Variants in LGR4 observed in about 807,000 individuals in gnomAD.
LGR4 encodes leucine-rich repeat-containing G protein-coupled receptor 4.
A neutral mutation model predicts 84.8 loss-of-function variants in LGR4; 44 were observed. That is an observed-to-expected ratio of 0.52 (90% CI 0.41 to 0.67). The LOEUF (loss-of-function observed/expected upper bound fraction) is 0.67. Ranked by LOEUF, LGR4 falls within the 30% of genes least tolerant of loss-of-function variation. LGR4 has a pLI of 0.00. For missense variants in LGR4, 1,032 were observed against 1,131.4 expected, an observed-to-expected ratio of 0.91 and a Z score of 1.26; for synonymous variants, 429 against 434.3, an observed-to-expected ratio of 0.99 and a Z score of 0.15.
At position 27,369,003 on chromosome 11, in the gene LGR4, T is replaced by C. The variant is rs768642910; in HGVS notation, c.1720A>G (p.Lys574Glu). ...ACAGAAATCAAGCCTATAAACAATT[T>C]GGACGAAGGCAGTGATGTACAAGAT... ...FASCTSLPSS[K>E]LFIGLISVSN... The change falls in exon 18 of 18, where the codon AAA (lysine) becomes GAA (glutamate). Residue 574 changes from lysine to glutamate, a missense_variant. Lys to Glu is a moderately conservative substitution (Grantham distance 56, BLOSUM62 1). Coordinates refer to ENST00000379214, the MANE Select transcript of LGR4 (RefSeq NM_018490.5). 6.2e-6 allele frequency: 10 copies of C among 1,614,144 alleles called. No homozygotes were observed. The South Asian group carries it at 1.1e-4, about 18-fold the overall frequency.
At chr11:27,390,267 A>C (rs549233982) in intron 4 of LGR4, among the ~76,000 whole-genome samples, 45 of 152,294 alleles carry the variant, frequency 3.0e-4, no homozygotes, top group African/African-American at 1.0e-3. Context: ...AGTTATTTCA[A>C]AGTATAATAC....
At chr11:27,459,578 G>A (rs1467798424) in intron 1 of LGR4, among the ~76,000 whole-genome samples, 1 of 151,830 alleles carries the variant, frequency 6.6e-6, no homozygotes, top group Admixed American at 6.6e-5. Flanking sequence ...CTGGGTTCAA[G>A]TGATTCTCCT....
chr11:27,454,262 T>C (rs1590406703), intron 1 of LGR4, among the ~76,000 whole-genome samples: 1 of 152,332 alleles, frequency 6.6e-6, no homozygotes, highest in African/African-American at 2.4e-5. Flanking sequence ...TTGATTGATA[T>C]ATTATGTCTC....
chr11:27,407,936 T>A (rs1454037447), intron 2 of LGR4, among the ~76,000 whole-genome samples: 1 of 152,068 alleles, frequency 6.6e-6, no homozygotes, highest in South Asian at 2.1e-4. Context: ...AAAGTTAACA[T>A]TTGGGAAATT....
intron 1 of LGR4, among the ~76,000 whole-genome samples, chr11:27,451,337 T>C (rs1165543019): frequency 6.6e-6 from 1 of 152,126 alleles, no homozygotes; most frequent in Non-Finnish European, 1.5e-5. Context: ...AAGGTATAAA[T>C]TATGGTCCAA....
intron 1 of LGR4, among the ~76,000 whole-genome samples, chr11:27,417,928 T>C (rs1863850709): frequency 6.6e-6 from 1 of 152,174 alleles, no homozygotes; most frequent in Non-Finnish European, 1.5e-5. Context: ...TAGCAGCCCA[T>C]ACATCATGGG....
chr11:27,466,966 A>G (rs1275786802), intron 1 of LGR4, among the ~76,000 whole-genome samples: 5 of 151,818 alleles, frequency 3.3e-5, no homozygotes, highest in African/African-American at 1.2e-4. Flanking sequence ...TTTTATTTTA[A>G]GTAGAGACGG....
chr11:27,430,571 G>A (rs902535755), intron 1 of LGR4, among the ~76,000 whole-genome samples: 2 of 152,066 alleles, frequency 1.3e-5, no homozygotes, highest in East Asian at 1.9e-4. Flanking sequence ...ATCCCCAGGC[G>A]GTGATAAGCC....
chr11:27,389,672 T>C (rs916966922), intron 4 of LGR4, among the ~76,000 whole-genome samples: 3 of 152,152 alleles, frequency 2.0e-5, no homozygotes, highest in African/African-American at 7.2e-5. Context: ...AATATGAAGG[T>C]CTTGAAGTAA....
At chr11:27,469,564 C>G (rs1258331778) in intron 1 of LGR4, among the ~76,000 whole-genome samples, 5 of 152,180 alleles carry the variant, frequency 3.3e-5, no homozygotes, top group African/African-American at 1.2e-4. Context: ...ATGCACCCCC[C>G]ACCCCTGTCC....
Position 27,373,966 on chromosome 11 carries a change from T to C in LGR4, c.1253+9A>G, listed in dbSNP as rs756877998. On this transcript the variant is annotated intron_variant, in intron 14 of 17. Coordinates refer to ENST00000379214, the MANE Select transcript of LGR4 (RefSeq NM_018490.5). ...CTTTCATGACATTACTGCATAATCA[T>C]CCACTTACAGGTTAGTTATTGGCCC... The C allele has an allele frequency of 6.3e-6, 10 of 1,578,074 alleles. No homozygotes were observed. In the South Asian group the frequency reaches 1.1e-4, roughly 17 times the overall value.
chr11:27,447,099 G>A (rs571033405), intron 1 of LGR4, among the ~76,000 whole-genome samples: 134 of 152,074 alleles, frequency 8.8e-4, no homozygotes, highest in African/African-American at 2.9e-3. Context: ...ACAAGTTAAC[G>A]GGTGCAGCAC....
At chr11:27,443,741 A>T (rs1473767637) in intron 1 of LGR4, among the ~76,000 whole-genome samples, 1 of 152,196 alleles carries the variant, frequency 6.6e-6, no homozygotes, top group African/African-American at 2.4e-5. Flanking sequence ...TTTGTTTTCT[A>T]CCAGAGTTCT....
chr11:27,395,990 C>T (rs1044366767), intron 2 of LGR4, among the ~76,000 whole-genome samples: 3 of 152,318 alleles, frequency 2.0e-5, no homozygotes, highest in East Asian at 3.9e-4. Flanking sequence ...AAAAACTATA[C>T]GCCTACAGTA....
chr11:27,435,577 T>C (rs1426907094), intron 1 of LGR4, among the ~76,000 whole-genome samples: 1 of 150,594 alleles, frequency 6.6e-6, no homozygotes, highest in Non-Finnish European at 1.5e-5. Context: ...AACCTCCGCC[T>C]CCTGGGTTCA....
intron 2 of LGR4, among the ~76,000 whole-genome samples, chr11:27,402,476 T>C (rs1012327843): frequency 3.3e-5 from 5 of 152,170 alleles, no homozygotes; most frequent in African/African-American, 1.2e-4. Context: ...AGCCCTGGAA[T>C]AGTTCTACCA....
chr11:27,443,428 A>C (rs1864334689), intron 1 of LGR4, among the ~76,000 whole-genome samples: 1 of 152,222 alleles, frequency 6.6e-6, no homozygotes, highest in African/African-American at 2.4e-5. Context: ...CCTGTATATC[A>C]AAACAGCTTC....
At chr11:27,433,826 A>C (rs1425964982) in intron 1 of LGR4, among the ~76,000 whole-genome samples, 1 of 152,214 alleles carries the variant, frequency 6.6e-6, no homozygotes, top group Non-Finnish European at 1.5e-5. Context: ...AATGGAGTCC[A>C]ATTCCCATGG....
intron 1 of LGR4, among the ~76,000 whole-genome samples, chr11:27,418,590 T>C (rs910265888): frequency 8.5e-5 from 13 of 152,154 alleles, no homozygotes; most frequent in African/African-American, 3.1e-4. Context: ...AGAGGACAGA[T>C]GCCACAACAC....
Sources: gnomAD v4.1 joint callset for allele counts (sites outside exome capture counted in the v4.1 genomes callset) on GRCh38, gnomAD v4.1.1 for gene constraint, MANE v1.5 for transcripts, NCBI Gene and HGNC (gene_info 2026-07-23, HGNC 2026-07-21) for gene names.